The following CHSY3 variants were observed in gnomAD, a reference collection of about 807,000 sequenced individuals.
CHSY3 encodes the protein N-acetylgalactosaminyl-proteoglycan 3-beta-glucuronosyltransferase 3.
CHSY3 carries 35 observed loss-of-function variants against 67.2 expected under a neutral mutation model. The observed-to-expected ratio is 0.52, with a 90% CI of 0.40 to 0.69. CHSY3 has a LOEUF of 0.69. CHSY3 is among the 30% of genes least tolerant of loss of function. The probability of loss-of-function intolerance (pLI) is 0.00; values close to 1 mark genes in which losing one functional copy is unlikely to be tolerated. For synonymous variants in CHSY3, 474 were observed against 434.7 expected (o/e 1.09, Z -1.12); for missense variants, 1,069 against 1,138.5 (o/e 0.94, Z 0.88).
chr5:129,955,175 T>C (rs1162632026), intron 2 of CHSY3, among the ~76,000 whole-genome samples: 2 of 152,166 alleles, frequency 1.3e-5, no homozygotes, highest in African/African-American at 4.8e-5. Context: ...CCCATTTTTT[T>C]TAAATGACTC....
At chr5:129,928,865 G>T (rs1004301024) in intron 2 of CHSY3, among the ~76,000 whole-genome samples, 145 of 152,262 alleles carry the variant, frequency 9.5e-4, no homozygotes, top group African/African-American at 3.4e-3. Flanking sequence ...GGGATTAAGT[G>T]AGTTCTTTGC....
At chr5:129,971,250 G>A (rs1209801219) in intron 2 of CHSY3, among the ~76,000 whole-genome samples, 1 of 151,404 alleles carries the variant, frequency 6.6e-6, no homozygotes, top group East Asian at 1.9e-4. Flanking sequence ...TAATTTTATA[G>A]TAAAAGATAA....
chr5:130,004,334 G>A (rs1184901896), intron 2 of CHSY3, among the ~76,000 whole-genome samples: 2 of 152,058 alleles, frequency 1.3e-5, no homozygotes, highest in African/African-American at 4.8e-5. Flanking sequence ...CTTTAAATAA[G>A]CTTGTGTTTT....
At chr5:129,983,689 T>C (rs757032415) in intron 2 of CHSY3, among the ~76,000 whole-genome samples, 73 of 152,190 alleles carry the variant, frequency 4.8e-4, no homozygotes, top group South Asian at 1.2e-3. Context: ...GATGCTCAGG[T>C]ACATACAAAC....
chr5:129,919,083 C>T (rs576561172), intron 2 of CHSY3, among the ~76,000 whole-genome samples: 81 of 119,736 alleles, frequency 6.8e-4, no homozygotes, highest in African/African-American at 2.6e-3. Flanking sequence ...GTCCGCAGTC[C>T]GGCCTGGGCG....
At position 130,160,895 on chromosome 5, in the gene CHSY3, AT is replaced by A. The variant is rs1235724208; in HGVS notation, c.1087-23321del. Among the ~76,000 whole-genome samples the A allele has an allele frequency of 2.4e-3, 340 of 142,488 alleles. 6 individuals carry two copies. In the South Asian group the frequency reaches 0.037, roughly 16 times the overall value. 93.5% of individuals were successfully genotyped at this position (142,488 alleles called of 152,430 possible). A position where few individuals can be genotyped will look rare whatever the true frequency, so the allele number is the denominator to read the frequency against. ...ACTGATCATTTTTATTTATTTATTTATTTTTTTTTTTTTATTTTTTTTTTTT... is the reference window on the plus strand; with the variant it reads ...ACTGATCATTTTTATTTATTTATTTATTTTTTTTTTTTATTTTTTTTTTTT... On this transcript the variant is annotated intron_variant, in intron 2 of 2. Transcript: ENST00000305031.
Position 129,930,511 on chromosome 5 carries a change from G to C in CHSY3, c.1086+22151G>C, listed in dbSNP as rs367580204. On this transcript the variant is annotated intron_variant, in intron 2 of 2. Coordinates refer to ENST00000305031, the MANE Select transcript of CHSY3 (RefSeq NM_175856.5). ...GTTTAAAAGGAGGCATCACTGGCGG[G>C]GGGGGGGTATGAAGTTTTGCCTGGA... Among the ~76,000 whole-genome samples, 708 of 148,038 alleles carry C rather than the reference G, an allele frequency of 4.8e-3. 15 individuals are homozygous for C. Among genetic ancestry groups the C allele is most frequent in the African/African-American group, 0.016 (629 of 40,254 alleles).
At chr5:130,088,378 A>T (rs1156235678) in intron 2 of CHSY3, among the ~76,000 whole-genome samples, 2 of 147,770 alleles carry the variant, frequency 1.4e-5, no homozygotes, top group Admixed American at 1.3e-4. Flanking sequence ...TAAACTAAAG[A>T]TCTAATTAAA....
chr5:129,933,704 G>A (rs531539272), intron 2 of CHSY3, among the ~76,000 whole-genome samples: 47 of 152,102 alleles, frequency 3.1e-4, no homozygotes, highest in African/African-American at 1.1e-3. Flanking sequence ...TATACCCCTG[G>A]AATGGGATTT....
At chr5:130,074,198 G>A (rs1259670174) in intron 2 of CHSY3, among the ~76,000 whole-genome samples, 2 of 152,062 alleles carry the variant, frequency 1.3e-5, no homozygotes, top group African/African-American at 4.8e-5. Context: ...AGGCTCTTGA[G>A]TAGCTGGGAC....
At chr5:129,948,157 A>C (rs996620570) in intron 2 of CHSY3, among the ~76,000 whole-genome samples, 1 of 152,186 alleles carries the variant, frequency 6.6e-6, no homozygotes, top group Non-Finnish European at 1.5e-5. Context: ...AAATAAATAA[A>C]ATTGGAAAAG....
chr5:130,027,735 T>A (rs1764588980), intron 2 of CHSY3, among the ~76,000 whole-genome samples: 1 of 152,064 alleles, frequency 6.6e-6, no homozygotes, highest in Non-Finnish European at 1.5e-5. Context: ...CGTTTTTTGT[T>A]CTTGCGATAG....
chr5:129,943,480 A>G (rs1022487937), intron 2 of CHSY3, among the ~76,000 whole-genome samples: 6 of 152,244 alleles, frequency 3.9e-5, no homozygotes, highest in Non-Finnish European at 7.3e-5. Context: ...TAAATTAAAT[A>G]TGTGTAGATA....
intron 2 of CHSY3, among the ~76,000 whole-genome samples, chr5:130,034,986 T>C (rs186550972): frequency 1.3e-5 from 2 of 152,078 alleles, no homozygotes; most frequent in East Asian, 3.9e-4. Context: ...GAGAAGAAGA[T>C]AAGGATAGAG....
At chr5:130,109,480 C>T (rs981451145) in intron 2 of CHSY3, among the ~76,000 whole-genome samples, 7 of 151,658 alleles carry the variant, frequency 4.6e-5, no homozygotes, top group Non-Finnish European at 1.0e-4. Context: ...AAAATTAATA[C>T]ATTAGAAGCT....
chr5:129,953,122 C>T (rs1762070758), intron 2 of CHSY3, among the ~76,000 whole-genome samples: 1 of 152,016 alleles, frequency 6.6e-6, no homozygotes. Context: ...TAATGCTATC[C>T]CTCCCCTATC....
chr5:130,169,503 GAC>G (rs1769840506), intron 2 of CHSY3, among the ~76,000 whole-genome samples: 1 of 152,042 alleles, frequency 6.6e-6, no homozygotes, highest in Non-Finnish European at 1.5e-5. Context: ...AGCCGAAGCT[GAC>G]ACTCACAGAA....
At chr5:130,034,053 G>A (rs924216809) in intron 2 of CHSY3, among the ~76,000 whole-genome samples, 1 of 152,074 alleles carries the variant, frequency 6.6e-6, no homozygotes, top group African/African-American at 2.4e-5. Flanking sequence ...ACTAAATCTT[G>A]CTTTTAACTA....
chr5:129,904,768 C>A lies in CHSY3; in HGVS notation c.-62C>A. 1.5e-6 allele frequency: 2 copies of A among 1,299,894 alleles called. 1 individual carries two copies. Among genetic ancestry groups the A allele is most frequent in the South Asian group, 4.7e-5 (2 of 42,692 alleles). 80.5% of individuals were successfully genotyped at this position (1,299,894 alleles called of 1,614,324 possible). A position where few individuals can be genotyped will look rare whatever the true frequency, so the allele number is the denominator to read the frequency against. ...AAGGCGGAGGAGGGGCGGGTGTGAG[C>A]CGGGGAAACCGCGTGCCGCGCCGCG... On this transcript the variant is annotated 5_prime_UTR_variant, in exon 1 of 3. Transcript: ENST00000305031.
Sources: allele counts gnomAD v4.1 joint callset (sites outside exome capture counted in the v4.1 genomes callset), GRCh38; gene constraint gnomAD v4.1.1; transcripts MANE v1.5; gene names NCBI Gene and HGNC (gene_info 2026-07-23, HGNC 2026-07-21).